Variants in DDAH1 observed in about 807,000 individuals in gnomAD.
DDAH1 encodes the protein N(G),N(G)-dimethylarginine dimethylaminohydrolase 1.
A neutral mutation model predicts 28.8 loss-of-function variants in DDAH1; 19 were observed. The ratio of observed to expected loss-of-function variants is 0.66; its 90% CI spans 0.46 to 0.97. The LOEUF (loss-of-function observed/expected upper bound fraction) is 0.97. Ranked by LOEUF, DDAH1 falls within the 50% of genes least tolerant of loss-of-function variation. DDAH1 has a pLI of 0.00. For missense variants in DDAH1, 326 were observed against 375.9 expected, an observed-to-expected ratio of 0.87 and a Z score of 1.10; for synonymous variants, 153 against 154.4, an observed-to-expected ratio of 0.99 and a Z score of 0.07.
rs180923925 is a variant in DDAH1, at chr1:85,512,693, C to A, written c.-122-16412G>T. Reference sequence around the variant, plus strand: ...CAATGTGCAAAAATCACAAGCATTCCTATACACCATTAGCAGACAAACAGA... The same window carrying A: ...CAATGTGCAAAAATCACAAGCATTCATATACACCATTAGCAGACAAACAGA... On this transcript the variant is annotated intron_variant, in intron 1 of 6. Transcript: ENST00000426972. Among the ~76,000 whole-genome samples, 892 of 152,178 alleles carry A rather than the reference C, an allele frequency of 5.9e-3. 6 individuals carry two copies. The highest frequency in any genetic ancestry group is 0.02 in the African/African-American group (841 of 41,528).
chr1:85,458,659 G>A (rs1287248958), intron 1 of DDAH1, among the ~76,000 whole-genome samples: 1 of 152,082 alleles, frequency 6.6e-6, no homozygotes, highest in African/African-American at 2.4e-5. Flanking sequence ...CTTATGAAAT[G>A]AGCCTGAGAT....
At chr1:85,576,424 G>C (rs1201137197) in intron 1 of DDAH1, among the ~76,000 whole-genome samples, 1 of 152,178 alleles carries the variant, frequency 6.6e-6, no homozygotes, top group Admixed American at 6.5e-5. Context: ...GGAACTTCTC[G>C]AGGAGGAAGA....
At position 85,464,590 on chromosome 1, in the gene DDAH1, AC is replaced by A; in HGVS notation, c.303+152del. On this transcript the variant is annotated intron_variant, in intron 1 of 5. Coordinates refer to ENST00000284031, the MANE Select transcript of DDAH1 (RefSeq NM_012137.4). The surrounding 1 kb of genome is among the most constrained non-coding windows in gnomAD (Gnocchi z 4.4). ...CAATGAACTTCTCTCTGACTCTCTG[AC>A]ACACACACACACACACACACTCGCC... 1 of 46,962 alleles carries A rather than the reference AC, an allele frequency of 2.1e-5. No individual in the cohort carries two copies. The highest frequency in any genetic ancestry group is 3.5e-5 in the Non-Finnish European group (1 of 28,280). The allele number at this position is 46,962 out of a possible 1,614,324, so 2.9% of individuals were successfully genotyped here. A position where few individuals can be genotyped will look rare whatever the true frequency, so the allele number is the denominator to read the frequency against.
chr1:85,465,112 G>T lies in DDAH1; in HGVS notation c.-67C>A. ...CCGGGTCCTGCCGCGGGCAGCGCGC[G>T]CTGAGCCTGCGAGCGCCCGTCGGCT... On this transcript the variant is annotated 5_prime_UTR_variant, in exon 1 of 6. Coordinates refer to ENST00000284031, the MANE Select transcript of DDAH1 (RefSeq NM_012137.4). 1 of 1,183,454 alleles carries T rather than the reference G, an allele frequency of 8.4e-7. No individual in the cohort carries two copies. The highest frequency in any genetic ancestry group is 4.6e-5 in the Admixed American group (1 of 21,868). 73.3% of individuals were successfully genotyped at this position (1,183,454 alleles called of 1,614,324 possible). A position where few individuals can be genotyped will look rare whatever the true frequency, so the allele number is the denominator to read the frequency against.
chr1:85,319,927 A>G lies in DDAH1; in HGVS notation c.*1525T>C, dbSNP rs947710734. ...AAGTAATTCTCTTTAGGTCACCAAC[A>G]TAAGGAATAATTTGACTGCAAACAT... On this transcript the variant is annotated 3_prime_UTR_variant, in exon 6 of 6. Transcript: ENST00000284031. 1 of 152,232 alleles carries G rather than the reference A, an allele frequency of 6.6e-6. No homozygotes were observed. The highest frequency in any genetic ancestry group is 1.5e-5 in the Non-Finnish European group (1 of 68,044). The allele number at this position is 152,232 out of a possible 1,614,324, so 9.4% of individuals were successfully genotyped here. A position where few individuals can be genotyped will look rare whatever the true frequency, so the allele number is the denominator to read the frequency against.
In DDAH1 at chr1:85,335,968, G is replaced by GAAATAAAATAAAATAAAATA. The variant is rs139704444; in HGVS notation, c.598-11105_598-11086dup. On this transcript the variant is annotated intron_variant, in intron 4 of 5. Coordinates refer to ENST00000284031, the MANE Select transcript of DDAH1 (RefSeq NM_012137.4). ...CAAAGTGAGACCCTGTCTCTAAAATGAAATAAAATAAAATAAAATAAAATA... is the reference window on the plus strand; with the variant it reads ...CAAAGTGAGACCCTGTCTCTAAAATGAAATAAAATAAAATAAAATAAAATAAAATAAAATAAAATAAAATA... Among the ~76,000 whole-genome samples, 115 of 143,950 alleles carry GAAATAAAATAAAATAAAATA rather than the reference G, an allele frequency of 8.0e-4. 1 individual carries two copies. The highest frequency in any genetic ancestry group is 2.5e-3 in the African/African-American group (97 of 38,246). The allele number at this position is 143,950 out of a possible 152,430, so 94.4% of individuals were successfully genotyped here. A position where few individuals can be genotyped will look rare whatever the true frequency, so the allele number is the denominator to read the frequency against.
intron 1 of DDAH1, among the ~76,000 whole-genome samples, chr1:85,557,456 G>A (rs1429579124): frequency 2.0e-5 from 3 of 152,178 alleles, no homozygotes; most frequent in African/African-American, 4.8e-5. Context: ...GTGTAGAAAG[G>A]CCAGATATCT....
At chr1:85,368,679 A>G (rs756841769) in intron 1 of DDAH1, among the ~76,000 whole-genome samples, 1 of 152,194 alleles carries the variant, frequency 6.6e-6, no homozygotes, top group Non-Finnish European at 1.5e-5. Context: ...CCAAATTAAA[A>G]TAAGTGTCAG....
At chr1:85,554,588 T>C (rs1014374009) in intron 1 of DDAH1, among the ~76,000 whole-genome samples, 1 of 152,182 alleles carries the variant, frequency 6.6e-6, no homozygotes, top group Non-Finnish European at 1.5e-5. Context: ...TAGAATAAAG[T>C]CAAGGATTTA....
At chr1:85,343,300 T>G (rs1230509175) in intron 4 of DDAH1, among the ~76,000 whole-genome samples, 2 of 152,234 alleles carry the variant, frequency 1.3e-5, no homozygotes, top group African/African-American at 4.8e-5. Flanking sequence ...GTGTCATAGC[T>G]TCAAATTATT....
At chr1:85,467,232 A>C (rs1431881634), upstream of DDAH1, 1 of 152,212 alleles carries the variant, frequency 6.6e-6, no homozygotes, top group Non-Finnish European at 1.5e-5. Context: ...TTTACCAGAC[A>C]TTGAGGCTCC....
chr1:85,489,737 A>G (rs1439364832), intron 2 of DDAH1, among the ~76,000 whole-genome samples: 3 of 152,172 alleles, frequency 2.0e-5, no homozygotes, highest in African/African-American at 4.8e-5. Context: ...ATGAGGTTAC[A>G]AAAACCAAGG....
intron 1 of DDAH1, among the ~76,000 whole-genome samples, chr1:85,414,823 G>A (rs1160269090): frequency 6.6e-6 from 1 of 151,934 alleles, no homozygotes; most frequent in Non-Finnish European, 1.5e-5. Context: ...AACATTTGAT[G>A]AATGAACAAA....
At chr1:85,359,522 A>G (rs1649674063) in intron 1 of DDAH1, among the ~76,000 whole-genome samples, 1 of 151,952 alleles carries the variant, frequency 6.6e-6, no homozygotes, top group African/African-American at 2.4e-5. Context: ...TCAGAATTGC[A>G]CACACACACA....
At chr1:85,483,208 TC>T (rs758644004) in intron 2 of DDAH1, among the ~76,000 whole-genome samples, 3 of 122,738 alleles carry the variant, frequency 2.4e-5, no homozygotes, top group Non-Finnish European at 4.9e-5. Context: ...AGTGAGACTA[TC>T]TCAAAAAAAA....
chr1:85,451,382 A>T (rs1225481379), intron 1 of DDAH1, among the ~76,000 whole-genome samples: 1 of 152,216 alleles, frequency 6.6e-6, no homozygotes, highest in Non-Finnish European at 1.5e-5. Context: ...CACTGATGGA[A>T]GAGCTACTCT....
chr1:85,376,266 G>A lies in DDAH1; in HGVS notation c.304-17419C>T, dbSNP rs150613718. ...GTGTTAACTACTGAAAATATGTAAA[G>A]CTGAATAGATACCGTATGGAATTAG... On this transcript the variant is annotated intron_variant, in intron 1 of 5. Coordinates refer to ENST00000284031, the MANE Select transcript of DDAH1 (RefSeq NM_012137.4). Among the ~76,000 whole-genome samples the A allele has an allele frequency of 1.8e-3, 276 of 152,222 alleles. 1 individual carries two copies. Among genetic ancestry groups the A allele is most frequent in the African/African-American group, 6.5e-3 (270 of 41,524 alleles).
rs114160901 is a variant in DDAH1, at chr1:85,380,032, A to G, written c.304-21185T>C. Among the ~76,000 whole-genome samples, 157 of 152,344 alleles carry G rather than the reference A, an allele frequency of 1.0e-3. 1 individual carries two copies. The highest frequency in any genetic ancestry group is 3.4e-3 in the African/African-American group (143 of 41,570). On this transcript the variant is annotated intron_variant, in intron 1 of 5. Transcript: ENST00000284031. ...AAAACAACAGAGAGCTCATTGGTTT[A>G]AAAACCCAAGCTTACCTAACATTGT... is the stretch of plus-strand genomic sequence containing the variant.
chr1:85,547,484 C>T (rs764746680), intron 1 of DDAH1, among the ~76,000 whole-genome samples: 13 of 152,172 alleles, frequency 8.5e-5, no homozygotes, highest in Non-Finnish European at 1.8e-4. Context: ...CATGCTTTTG[C>T]CTTCACAGGG....
Sources: gnomAD v4.1 joint callset for allele counts (sites outside exome capture counted in the v4.1 genomes callset) on GRCh38, gnomAD v4.1.1 for gene constraint, Gnocchi (gnomAD v3.1) non-coding constraint, MANE v1.5 for transcripts, NCBI Gene and HGNC (gene_info 2026-07-23, HGNC 2026-07-21) for gene names.